The following USP31 variants were observed in gnomAD, a reference collection of about 807,000 sequenced individuals.
The protein encoded by USP31 is ubiquitin specific peptidase 31.
A neutral mutation model predicts 119.4 loss-of-function variants in USP31; 44 were observed. The ratio of observed to expected loss-of-function variants is 0.37; its 90% CI spans 0.29 to 0.47. USP31 has a LOEUF of 0.47. USP31 is among the 20% of genes least tolerant of loss of function. The pLI is 0.99. For missense variants in USP31, 1,643 were observed against 1,730.2 expected, an observed-to-expected ratio of 0.95 and a Z score of 0.89; for synonymous variants, 749 against 705.6, an observed-to-expected ratio of 1.06 and a Z score of -0.97.
intron 4 of USP31, 72 bp from the exon 5 acceptor site, chr16:23,105,648 C>T (rs1029045762): frequency 8.9e-5 from 125 of 1,408,618 alleles, no homozygotes; most frequent in Non-Finnish European, 7.4e-5. Context: ...GCAAAATAAA[C>T]CTGAGACGAA....
chr16:23,088,699 G>T (rs185253734), intron 7 of USP31, among the ~76,000 whole-genome samples: 12 of 152,284 alleles, frequency 7.9e-5, no homozygotes, highest in African/African-American at 2.4e-4. Flanking sequence ...TCTTTTCCAG[G>T]AGGCACCCTG....
rs976217465 is a variant in USP31 at position 23,062,823 on chromosome 16, GAT to G, written c.*5221_*5222del. 1.3e-5 allele frequency: 2 copies of G among 152,614 alleles called. No individual in the cohort carries two copies. The highest frequency in any genetic ancestry group is 2.9e-5 in the Non-Finnish European group (2 of 68,042). 9.5% of individuals were successfully genotyped at this position (152,614 alleles called of 1,614,324 possible). ...GCCCTTGTATTTCAAATGGGAGTTTGATATCAGTATCTCTCAATTCTTTTTAT... is the reference window on the plus strand; with the variant it reads ...GCCCTTGTATTTCAAATGGGAGTTTGATCAGTATCTCTCAATTCTTTTTAT... On this transcript the variant is annotated 3_prime_UTR_variant, in exon 16 of 16. Transcript: ENST00000219689.
intron 1 of USP31, among the ~76,000 whole-genome samples, chr16:23,115,055 C>T (rs895801728): frequency 6.6e-6 from 1 of 152,174 alleles, no homozygotes; most frequent in Admixed American, 6.5e-5. Flanking sequence ...CAAGAGGCAA[C>T]TCACTGAACC....
At chr16:23,117,951 G>T (rs112089602) in intron 1 of USP31, among the ~76,000 whole-genome samples, 7,888 of 152,114 alleles carry the variant, frequency 0.052, 306 homozygotes, top group Non-Finnish European at 0.072. Context: ...ACCACGTCCT[G>T]CTAATTTTTG....
chr16:23,107,263 T>G (rs1290342256), intron 2 of USP31, among the ~76,000 whole-genome samples: 1 of 152,190 alleles, frequency 6.6e-6, no homozygotes, highest in Non-Finnish European at 1.5e-5. Context: ...ACTGAGCACC[T>G]GCTACCACAT....
intron 1 of USP31, among the ~76,000 whole-genome samples, chr16:23,145,080 A>G (rs1903467733): frequency 6.6e-6 from 1 of 152,078 alleles, no homozygotes; most frequent in African/African-American, 2.4e-5. Context: ...CTAAATGTCT[A>G]TTCCCCAAAA....
intron 1 of USP31, among the ~76,000 whole-genome samples, chr16:23,136,047 G>A (rs147897754): frequency 5.9e-5 from 9 of 152,122 alleles, no homozygotes; most frequent in East Asian, 3.9e-4. Context: ...ATAAACCCTC[G>A]CATATATGAT....
intron 8 of USP31, 90 bp from the exon 9 acceptor site, chr16:23,087,276 A>G (rs190226312): frequency 5.0e-5 from 58 of 1,149,128 alleles, no homozygotes; most frequent in Non-Finnish European, 4.3e-5. Context: ...TTAGAGTTAC[A>G]GTAAACTGTT....
chr16:23,083,783 G>T (rs1396425660), intron 11 of USP31, among the ~76,000 whole-genome samples: 1 of 151,548 alleles, frequency 6.6e-6, no homozygotes, highest in Non-Finnish European at 1.5e-5. Context: ...ACAGTGTGGG[G>T]GAGAGAAGAC....
chr16:23,132,167 T>C (rs763271824), intron 1 of USP31, among the ~76,000 whole-genome samples: 3 of 152,170 alleles, frequency 2.0e-5, no homozygotes, highest in Non-Finnish European at 4.4e-5. Flanking sequence ...CGTGCTCCAC[T>C]GCAAAAATGT....
chr16:23,134,750 C>T (rs1234599490), intron 1 of USP31, among the ~76,000 whole-genome samples: 2 of 144,730 alleles, frequency 1.4e-5, no homozygotes, highest in Non-Finnish European at 3.0e-5. Context: ...TATATAGTAA[C>T]AAAAGCAGTA....
intron 2 of USP31, among the ~76,000 whole-genome samples, chr16:23,106,908 T>C (rs1596715970): frequency 6.6e-6 from 1 of 151,856 alleles, no homozygotes; most frequent in Non-Finnish European, 1.5e-5. Context: ...AGGTCGGGAG[T>C]TCGAGACCAG....
Position 23,069,028 on chromosome 16 carries a change from G to GA in USP31, c.3076dup (p.Ser1026PhefsTer9), listed in dbSNP as rs1567223388. On this transcript the variant is annotated frameshift_variant, in exon 16 of 16. Coordinates refer to ENST00000219689, the MANE Select transcript of USP31 (RefSeq NM_020718.4). LOFTEE classifies it high-confidence loss of function. ...CTCAGAAGTGCCTTTGGAACTGGGG[G>GA]ATCTCTTAGTTGTGCTCTCTGGTTT... 6.2e-7 allele frequency: 1 copy of GA among 1,613,498 alleles called. No individual in the cohort carries two copies. Among genetic ancestry groups the GA allele is most frequent in the South Asian group, 1.1e-5 (1 of 91,084 alleles).
Position 23,077,699 on chromosome 16 carries a change from T to C in USP31, c.2176+2247A>G, listed in dbSNP as rs569810250. On this transcript the variant is annotated intron_variant, in intron 13 of 15. Transcript: ENST00000219689. ...AAGTATACATATATAACACACTGAG[T>C]GTGAAGGATGCAGAAATCCAAATCC... 3.0e-4 allele frequency among the ~76,000 whole-genome samples: 46 copies of C among 152,156 alleles called. 1 individual carries two copies. Among genetic ancestry groups the C allele is most frequent in the Admixed American group, 1.7e-3 (26 of 15,288 alleles).
chr16:23,113,028 CA>C (rs576031019), intron 1 of USP31, among the ~76,000 whole-genome samples: 198 of 133,858 alleles, frequency 1.5e-3, no homozygotes, highest in Non-Finnish European at 1.3e-3. Context: ...AACTCCGTCC[CA>C]AAAAAAAAAA....
At chr16:23,124,334 A>G (rs1163555042) in intron 1 of USP31, among the ~76,000 whole-genome samples, 1 of 152,176 alleles carries the variant, frequency 6.6e-6, no homozygotes, top group Non-Finnish European at 1.5e-5. Flanking sequence ...AATCAAAAGA[A>G]AAGGTTAAAA....
At position 23,072,025 on chromosome 16, in the gene USP31, T is replaced by C. The variant is rs774145472; in HGVS notation, c.2488+20A>G. 1 of 1,598,466 alleles carries C rather than the reference T, an allele frequency of 6.3e-7. No homozygotes were observed. Among genetic ancestry groups the C allele is most frequent in the Non-Finnish European group, 8.5e-7 (1 of 1,170,914 alleles). On this transcript the variant is annotated intron_variant, in intron 15 of 15. Coordinates refer to ENST00000219689, the MANE Select transcript of USP31 (RefSeq NM_020718.4). ...TGTGAGTTACCATTCTGGAAATTTGTCACCAAAACCCACACCCACCATCAT... is the reference window on the plus strand; with the variant it reads ...TGTGAGTTACCATTCTGGAAATTTGCCACCAAAACCCACACCCACCATCAT...
Position 23,148,626 on chromosome 16 carries a change from G to A in USP31, c.633+12C>T. 6.9e-7 allele frequency: 1 copy of A among 1,458,068 alleles called. No individual in the cohort carries two copies. The highest frequency in any genetic ancestry group is 3.0e-5 in the East Asian group (1 of 33,668). The allele number at this position is 1,458,068 out of a possible 1,614,324, so 90.3% of individuals were successfully genotyped here. The stretch of plus-strand genomic sequence containing the variant: ...CGGGGTGCAGTGGGGGCGCGGCGGC[G>A]CGCGGGCTCACCTTGAAGTCGCGGC... On this transcript the variant is annotated intron_variant, in intron 1 of 15. Coordinates refer to ENST00000219689, the MANE Select transcript of USP31 (RefSeq NM_020718.4).
rs35254998 is a variant in USP31 at position 23,068,180 on chromosome 16, G to A, written c.3925C>T (p.Arg1309Cys). ...ASAKHSLLSA[R>C]KSKSSQLDSG... Reference sequence around the variant, plus strand: ...TCTAGTTGGGAAGACTTGGATTTGCGAGCGGACAGCAGGGAATGTTTGGCA... The same window carrying A: ...TCTAGTTGGGAAGACTTGGATTTGCAAGCGGACAGCAGGGAATGTTTGGCA... Residue 1309 changes from arginine (R) to cysteine (C), a missense_variant, in exon 16 of 16, where the codon CGC becomes TGC. Transcript: ENST00000219689. 0.066 allele frequency: 106,032 copies of A among 1,614,084 alleles called. 4,040 individuals carry two copies. The highest frequency in any genetic ancestry group is 0.072 in the Non-Finnish European group (85,284 of 1,180,004).
Sources: allele counts gnomAD v4.1 joint callset (sites outside exome capture counted in the v4.1 genomes callset), GRCh38; gene constraint gnomAD v4.1.1; transcripts MANE v1.5; gene names NCBI Gene and HGNC (gene_info 2026-07-23, HGNC 2026-07-21).